Variants in COL2A1 observed in about 807,000 individuals in gnomAD.
COL2A1 encodes collagen type II alpha 1 chain, also known as collagen alpha-1(II) chain.
In COL2A1, 28 loss-of-function variants were observed where a neutral mutation model predicts 204.5. The ratio of observed to expected loss-of-function variants is 0.14; its 90% CI spans 0.10 to 0.19. COL2A1 has a LOEUF of 0.19. Among genes scored for constraint, COL2A1 ranks in the 10% least tolerant of loss-of-function variants. The pLI, the probability that COL2A1 is intolerant of heterozygous loss-of-function variation, is 1.00. For synonymous variants in COL2A1, 708 were observed against 718.7 expected (o/e 0.99, Z 0.24); for missense variants, 1,388 against 2,027.5 (o/e 0.68, Z 6.06).
chr12:47,974,961 A>T, intron 51 of COL2A1, 99 bp from the exon 52 acceptor site: 1 of 1,242,552 alleles, frequency 8.0e-7, no homozygotes, highest in Non-Finnish European at 1.1e-6. Flanking sequence ...AGAGGCCTAC[A>T]GGGACAAGGG....
intron 22 of COL2A1, 95 bp downstream of exon 22, chr12:47,986,740 G>T (rs926403836): frequency 7.2e-7 from 1 of 1,397,854 alleles, no homozygotes; most frequent in Non-Finnish European, 1.0e-6. Flanking sequence ...GGGGGATAGA[G>T]CCCTGGAGGA....
chr12:47,993,035 A>T, intron 15 of COL2A1, 104 bp from the exon 16 acceptor site: 1 of 1,095,042 alleles, frequency 9.1e-7, no homozygotes, highest in Non-Finnish European at 1.4e-6. Context: ...GAGAGGGAGG[A>T]TGCCCACACC....
chr12:47,996,669 G>T (rs746034145), intron 7 of COL2A1, 44 bp from the exon 8 acceptor site: 13 of 1,535,574 alleles, frequency 8.5e-6, no homozygotes, highest in Non-Finnish European at 1.2e-5. Context: ...AAGGCACTAG[G>T]TCTTCCCTAC....
chr12:47,995,084 C>T (rs909634371), intron 11 of COL2A1, among the ~76,000 whole-genome samples, 171 bp downstream of exon 11: 1 of 152,200 alleles, frequency 6.6e-6, no homozygotes, highest in Admixed American at 6.5e-5. Context: ...CTTGCCAGCA[C>T]AGTCACAGTG....
intron 7 of COL2A1, 72 bp from the exon 8 acceptor site, chr12:47,996,697 A>G (rs1939981211): frequency 4.3e-6 from 5 of 1,168,698 alleles, no homozygotes; most frequent in Non-Finnish European, 5.2e-6. Flanking sequence ...GGTAAGCTCT[A>G]TATGGATACA....
chr12:47,983,490 C>T, intron 30 of COL2A1, 52 bp from the exon 31 acceptor site: 2 of 1,575,036 alleles, frequency 1.3e-6, no homozygotes, highest in African/African-American at 1.3e-5. Flanking sequence ...GCTGCCCTGG[C>T]CCCCAGGGAG....
chr12:47,990,898 AG>A (rs937223311), intron 16 of COL2A1, among the ~76,000 whole-genome samples: 13 of 152,140 alleles, frequency 8.5e-5, no homozygotes, highest in Non-Finnish European at 4.4e-5. Flanking sequence ...TGAGCAGGTC[AG>A]GGGGGTACCT....
chr12:47,979,510 C>T lies in COL2A1; in HGVS notation c.2733+1G>A. On this transcript the variant is annotated splice_donor_variant, in intron 41 of 53. Transcript: ENST00000380518. LOFTEE classifies it high-confidence loss of function. The stretch of plus-strand genomic sequence containing the variant: ...CCTCTCATGCCAGGAGCATCACTTA[C>T]ATTGGAGCCTGGGGGTCCAACGCGG... 1 of 1,613,634 alleles carries T rather than the reference C, an allele frequency of 6.2e-7. No homozygotes were observed. The highest frequency in any genetic ancestry group is 8.5e-7 in the Non-Finnish European group (1 of 1,179,966).
chr12:48,004,398 T>A lies in COL2A1; in HGVS notation c.-77A>T, dbSNP rs932691893. The A allele has an allele frequency of 3.6e-6, 3 of 845,052 alleles. No individual in the cohort carries two copies. The East Asian group carries it at 8.0e-5, about 23-fold the overall frequency. 52.3% of individuals were successfully genotyped at this position (845,052 alleles called of 1,614,324 possible). On this transcript the variant is annotated 5_prime_UTR_variant, in exon 1 of 54. Coordinates refer to ENST00000380518, the MANE Select transcript of COL2A1 (RefSeq NM_001844.5). ...GGCAGGAGCACGGCGCGGGTCCGGG[T>A]CTCTACCGCGCCCTCATGCAGGAGG...
intron 8 of COL2A1, 94 bp from the exon 9 acceptor site, chr12:47,996,013 G>A (rs1939944105): frequency 9.8e-7 from 1 of 1,020,182 alleles, no homozygotes. Flanking sequence ...CCGGGCAAAG[G>A]ACAAGAAGTT....
intron 2 of COL2A1, 119 bp from the exon 3 acceptor site, chr12:47,998,550 C>A: frequency 9.1e-7 from 1 of 1,093,454 alleles, no homozygotes; most frequent in Non-Finnish European, 1.3e-6. Context: ...TCAAGGAAGG[C>A]GGCAGCTTCC....
intron 2 of COL2A1, 160 bp from the exon 3 acceptor site, chr12:47,998,591 G>C (rs1940077546): frequency 2.8e-6 from 2 of 725,970 alleles, no homozygotes; most frequent in East Asian, 5.4e-5. Flanking sequence ...CTGTTGGGGT[G>C]TTAGGGCCAC....
At position 47,985,823 on chromosome 12, in the gene COL2A1, C is replaced by A. The variant is rs762501353; in HGVS notation, c.1585G>T (p.Ala529Ser). The A allele has an allele frequency of 6.2e-7, 1 of 1,609,416 alleles. No individual in the cohort carries two copies. Among genetic ancestry groups the A allele is most frequent in the Non-Finnish European group, 8.5e-7 (1 of 1,177,796 alleles). ...CCACTGGGCCCTCGCTCTCCAGGGG[C>A]TCCCTACAAGGGTACACAGGGAGTC... ...GQDGLAGPKGAPGERGPSGLA... is the reference protein window; with the variant it reads ...GQDGLAGPKGSPGERGPSGLA... Residue 529 changes from alanine to serine, a missense_variant, in exon 25 of 54, where the codon GCC (alanine) becomes TCC (serine). Transcript: ENST00000380518.
rs200817831 is a variant in COL2A1, at chr12:47,983,074, T to C, written c.2094+19A>G. On this transcript the variant is annotated intron_variant, in intron 32 of 53. Transcript: ENST00000380518. ...GCAGGCCCAAGGAGGCAGCCCGCAT[T>C]GGCCAACAGGATACTCACCCTGGGA... 6.2e-7 allele frequency: 1 copy of C among 1,613,700 alleles called. No homozygotes were observed. Among genetic ancestry groups the C allele is most frequent in the East Asian group, 2.2e-5 (1 of 44,866 alleles).
intron 36 of COL2A1, 109 bp from the exon 37 acceptor site, chr12:47,981,505 C>A (rs1293869917): frequency 2.0e-6 from 2 of 1,020,138 alleles, no homozygotes; most frequent in Middle Eastern, 2.5e-4. Flanking sequence ...GGCTCCAGGT[C>A]CCCCTGGCAC....
chr12:48,004,561 G>T, upstream of COL2A1: 2 of 469,620 alleles, frequency 4.3e-6, no homozygotes, highest in East Asian at 8.2e-5. Context: ...GCCGCCCCCT[G>T]CCCCCCGCTG....
chr12:47,974,391 G>A, intron 52 of COL2A1, 60 bp from the exon 53 acceptor site: 1 of 1,598,084 alleles, frequency 6.3e-7, no homozygotes, highest in Non-Finnish European at 8.5e-7. Flanking sequence ...GGGACCAGGG[G>A]CTGTAGGGGC....
At chr12:48,004,565 C>A, upstream of COL2A1, 2 of 467,154 alleles carry the variant, frequency 4.3e-6, no homozygotes, top group Non-Finnish European at 7.6e-6. Flanking sequence ...CCCCCTGCCC[C>A]CCGCTGGGCT....
chr12:47,997,943 G>A lies in COL2A1; in HGVS notation c.376-19C>T. 3 of 1,614,192 alleles carry A rather than the reference G, an allele frequency of 1.9e-6. No individual in the cohort carries two copies. The highest frequency in any genetic ancestry group is 1.3e-5 in the African/African-American group (1 of 75,062). On this transcript the variant is annotated intron_variant, in intron 5 of 53. Transcript: ENST00000380518. Reference sequence around the variant, plus strand: ...CAGGTCCCTGAAGGTGAAGAACATGGTAAGATGACAGCAAGGCCAGGAGCC... The same window carrying A: ...CAGGTCCCTGAAGGTGAAGAACATGATAAGATGACAGCAAGGCCAGGAGCC...
Sources: gnomAD v4.1 joint callset for allele counts (sites outside exome capture counted in the v4.1 genomes callset) on GRCh38, gnomAD v4.1.1 for gene constraint, MANE v1.5 for transcripts, NCBI Gene and HGNC (gene_info 2026-07-23, HGNC 2026-07-21) for gene names.